Variants in PALLD observed in about 807,000 individuals in gnomAD.
PALLD encodes palladin.
A neutral mutation model predicts 123.5 loss-of-function variants in PALLD; 61 were observed. The observed-to-expected ratio is 0.49, with a 90% confidence interval of 0.40 to 0.61. The LOEUF is 0.61. Ranked by LOEUF, PALLD falls within the 20% of genes least tolerant of loss-of-function variation. The pLI is 0.00. For missense variants in PALLD, 1,273 were observed against 1,377.0 expected (o/e 0.92, Z 1.20); for synonymous variants, 465 against 496.4 (o/e 0.94, Z 0.84).
chr4:168,927,966 A>G lies in PALLD; in HGVS notation c.*1786A>G, dbSNP rs557078018. The G allele has an allele frequency of 5.1e-6, 1 of 196,280 alleles. No homozygotes were observed. The highest frequency in any genetic ancestry group is 1.9e-4 in the South Asian group (1 of 5,182). 12.2% of individuals were successfully genotyped at this position (196,280 alleles called of 1,614,324 possible). A position where few individuals can be genotyped will look rare whatever the true frequency, so the allele number is the denominator to read the frequency against. ...CTCAGTTACTCAATTCATACGTAGT[A>G]TTTTTTAAAATAATTTTATATCTGT... On this transcript the variant is annotated 3_prime_UTR_variant, in exon 22 of 22. Transcript: ENST00000505667.
At chr4:168,754,945 A>G (rs758403850) in intron 10 of PALLD, among the ~76,000 whole-genome samples, 7 of 152,142 alleles carry the variant, frequency 4.6e-5, no homozygotes, top group Non-Finnish European at 8.8e-5. Context: ...CTAAAAAGAA[A>G]AGGGTGGCCG....
In PALLD at chr4:168,512,211, C is replaced by A. The variant is rs587780203; in HGVS notation, c.707C>A (p.Ser236Tyr). 4.3e-6 allele frequency: 7 copies of A among 1,613,552 alleles called. No homozygotes were observed. The East Asian group carries it at 8.9e-5, about 21-fold the overall frequency. The change falls in exon 2 of 22, where the codon TCC becomes TAC. Residue 236 changes from serine (S) to tyrosine (Y), a missense_variant. Ser to Tyr is a moderately radical substitution (Grantham distance 144, BLOSUM62 -2). Coordinates refer to ENST00000505667, the MANE Select transcript of PALLD (RefSeq NM_001166108.2). ...GGGGAGATGGAAAGAGAGGTCAAGT[C>A]CCCTGGGGCCAGGCATTGCTACCAG... ...DQGEMEREVK[S>Y]PGARHCYQDN... is the part of the protein sequence containing the mutation.
chr4:168,821,647 T>C (rs1358325592), intron 10 of PALLD, among the ~76,000 whole-genome samples: 1 of 151,946 alleles, frequency 6.6e-6, no homozygotes, highest in Non-Finnish European at 1.5e-5. Context: ...AGGCCAAGGC[T>C]GGTGGATCAC....
chr4:168,769,970 C>T (rs1477749900), intron 10 of PALLD, among the ~76,000 whole-genome samples: 2 of 152,194 alleles, frequency 1.3e-5, no homozygotes, highest in African/African-American at 4.8e-5. Flanking sequence ...TCAGCAACAT[C>T]CATACCAAGC....
At chr4:168,605,914 C>T (rs1356065812) in intron 2 of PALLD, among the ~76,000 whole-genome samples, 1 of 151,060 alleles carries the variant, frequency 6.6e-6, no homozygotes, top group East Asian at 2.0e-4. Flanking sequence ...AGATTTTTAT[C>T]CTTTTTTTTA....
intron 8 of PALLD, chr4:168,700,018 G>A (rs1456465667): frequency 3.7e-6 from 1 of 270,030 alleles, no homozygotes; most frequent in Non-Finnish European, 7.4e-6. Context: ...TTATTTTACA[G>A]ATGTCTTATA....
intron 10 of PALLD, among the ~76,000 whole-genome samples, chr4:168,867,166 C>T (rs899448875): frequency 1.6e-4 from 24 of 152,240 alleles, no homozygotes; most frequent in African/African-American, 5.5e-4. Flanking sequence ...ATAAAAGTGG[C>T]CTCTCTCCTC....
At chr4:168,782,517 G>C (rs544074056) in intron 10 of PALLD, among the ~76,000 whole-genome samples, 3 of 152,250 alleles carry the variant, frequency 2.0e-5, no homozygotes, top group African/African-American at 7.2e-5. Flanking sequence ...GGCTTAGAAG[G>C]CCATATGGAC....
intron 10 of PALLD, among the ~76,000 whole-genome samples, chr4:168,763,155 A>G (rs895812404): frequency 1.3e-5 from 2 of 152,232 alleles, no homozygotes; most frequent in Admixed American, 1.3e-4. Context: ...CGTGTATCCC[A>G]GAAGGTAAAG....
At chr4:168,876,683 T>A (rs944643698) in intron 10 of PALLD, among the ~76,000 whole-genome samples, 4 of 152,234 alleles carry the variant, frequency 2.6e-5, no homozygotes, top group Non-Finnish European at 5.9e-5. Context: ...TTCTTTGTAT[T>A]GCTGAGTCTC....
intron 15 of PALLD, 128 bp from the exon 16 acceptor site, chr4:168,913,799 A>G (rs1759546254): frequency 2.7e-6 from 2 of 731,726 alleles, no homozygotes; most frequent in South Asian, 1.5e-5. Flanking sequence ...AGGGTTAGTC[A>G]TTACTCAAAT....
intron 15 of PALLD, among the ~76,000 whole-genome samples, chr4:168,908,671 G>C (rs760769425): frequency 3.3e-5 from 5 of 152,100 alleles, no homozygotes; most frequent in Non-Finnish European, 5.9e-5. Flanking sequence ...GGGTTTGAAA[G>C]GGAGAATACA....
intron 3 of PALLD, among the ~76,000 whole-genome samples, chr4:168,676,054 C>CA (rs1295199555): frequency 1.3e-5 from 2 of 151,864 alleles, no homozygotes; most frequent in African/African-American, 4.8e-5. Context: ...GACCCTGTCT[C>CA]AAAAAATAAA....
At chr4:168,748,003 A>G (rs980531840) in intron 10 of PALLD, among the ~76,000 whole-genome samples, 14 of 152,126 alleles carry the variant, frequency 9.2e-5, no homozygotes, top group Admixed American at 5.2e-4. Flanking sequence ...AGCTTTCTGA[A>G]TTTATTTGTA....
intron 3 of PALLD, 56 bp downstream of exon 3, chr4:168,668,424 C>T (rs1779862588): frequency 8.5e-6 from 12 of 1,417,898 alleles, no homozygotes; most frequent in South Asian, 1.4e-5. Flanking sequence ...TCTAATGACT[C>T]CAGTATCTTG....
intron 11 of PALLD, among the ~76,000 whole-genome samples, chr4:168,893,500 T>C (rs1665499763): frequency 6.6e-6 from 1 of 152,228 alleles, no homozygotes. Context: ...CATATTTTCC[T>C]GATTAGAGAG....
chr4:168,877,960 C>T lies in PALLD; in HGVS notation c.1965-12962C>T, dbSNP rs987749164. The T allele has an allele frequency of 3.3e-6, 5 of 1,502,170 alleles. No homozygotes were observed. In the African/African-American group the frequency reaches 5.8e-5, roughly 17 times the overall value. 93.1% of individuals were successfully genotyped at this position (1,502,170 alleles called of 1,614,324 possible). ...CCGGCTCCTTCAACTACGCGCGCCC[C>T]AAGCAGTTCATCGCCGCGCAGAACC... On this transcript the variant is annotated intron_variant, in intron 10 of 21. Coordinates refer to ENST00000505667, the MANE Select transcript of PALLD (RefSeq NM_001166108.2).
chr4:168,548,743 A>G (rs753577700), intron 2 of PALLD, among the ~76,000 whole-genome samples: 10 of 152,240 alleles, frequency 6.6e-5, no homozygotes, highest in Non-Finnish European at 1.2e-4. Flanking sequence ...CTTATTTTTA[A>G]AACTATCTTA....
At chr4:168,915,310 G>A (rs1759880288) in intron 16 of PALLD, among the ~76,000 whole-genome samples, 1 of 151,942 alleles carries the variant, frequency 6.6e-6, no homozygotes, top group Non-Finnish European at 1.5e-5. Context: ...GGTTTCTCTG[G>A]CAACCTTTAA....
Sources: gnomAD v4.1 joint callset for allele counts (sites outside exome capture counted in the v4.1 genomes callset) on GRCh38, gnomAD v4.1.1 for gene constraint, MANE v1.5 for transcripts, NCBI Gene and HGNC (gene_info 2026-07-23, HGNC 2026-07-21) for gene names.